Variants in KRT86 observed in about 807,000 individuals in gnomAD.
KRT86 encodes the protein keratin, type II cuticular Hb6.
A neutral mutation model predicts 41.2 loss-of-function variants in KRT86; 30 were observed. The observed-to-expected ratio is 0.73, with a 90% CI of 0.54 to 0.99. KRT86 has a LOEUF of 0.99. KRT86 is among the 50% of genes least tolerant of loss of function. The pLI, the probability that KRT86 is intolerant of heterozygous loss-of-function variation, is 0.00. For missense variants in KRT86, 561 were observed against 571.4 expected (o/e 0.98, Z 0.19); for synonymous variants, 238 against 238.1 (o/e 1.00, Z 0.00).
chr12:52,306,591 C>A (rs1200970285), intron 9 of KRT86: 1 of 513,926 alleles, frequency 1.9e-6, no homozygotes. Flanking sequence ...TTCTTCCCTT[C>A]CAGCTGTAGC....
At chr12:52,279,808 G>A (rs1444099748) in intron 2 of KRT86, among the ~76,000 whole-genome samples, 1 of 152,130 alleles carries the variant, frequency 6.6e-6, no homozygotes, top group Non-Finnish European at 1.5e-5. Context: ...ATAGCTTCTG[G>A]GCAGCAGAGC....
chr12:52,288,658 G>A (rs138154804), intron 2 of KRT86, among the ~76,000 whole-genome samples: 281 of 152,116 alleles, frequency 1.8e-3, no homozygotes, highest in African/African-American at 6.6e-3. Context: ...CCTTGACCAT[G>A]CCTCACCAGC....
At chr12:52,286,522 T>G in intron 2 of KRT86, 2 of 1,548,616 alleles carry the variant, frequency 1.3e-6, no homozygotes, top group Non-Finnish European at 1.7e-6. Flanking sequence ...GAGTCAAAAT[T>G]CTGAAGGGCA....
At chr12:52,300,982 G>A (rs1310082718) in intron 2 of KRT86, among the ~76,000 whole-genome samples, 5 of 152,154 alleles carry the variant, frequency 3.3e-5, no homozygotes, top group African/African-American at 1.2e-4. Flanking sequence ...CACTCTGAGG[G>A]AGGGAATGCC....
intron 2 of KRT86, chr12:52,286,953 C>A: frequency 6.5e-7 from 1 of 1,539,078 alleles, no homozygotes; most frequent in Non-Finnish European, 8.9e-7. Flanking sequence ...TTGCCTCAGA[C>A]AAACTCACAC....
In KRT86 at chr12:52,306,189, A is replaced by C. The variant is rs563550345; in HGVS notation, c.1156A>C (p.Ile386Leu). 1.6e-4 allele frequency: 256 copies of C among 1,613,784 alleles called. 2 individuals carry two copies. The South Asian group carries it at 2.6e-3, about 17-fold the overall frequency. Residue 386 changes from isoleucine (I) to leucine (L), a missense_variant, in exon 9 of 11, where the codon ATC becomes CTC. By Grantham distance (5) the Ile-to-Leu change is conservative (BLOSUM62 2). This residue lies in a region of KRT86 where 397 missense variants were observed against 375.9 expected (regional missense o/e 1.06). Coordinates refer to ENST00000423955, the MANE Select transcript of KRT86 (RefSeq NM_001320198.2). ...GGCCAAGCAGGACATGGCCTGCCTG[A>C]TCAGGGAGTACCAGGAGGTGATGAA... ...QKAKQDMACL[I>L]REYQEVMNSK...
intron 2 of KRT86, among the ~76,000 whole-genome samples, chr12:52,283,801 C>T (rs1328806328): frequency 6.6e-6 from 1 of 151,240 alleles, no homozygotes; most frequent in African/African-American, 2.4e-5. Flanking sequence ...ATTTCATTAG[C>T]AGATACACTA....
Position 52,288,487 on chromosome 12 carries a change from G to T in KRT86, c.-5+12541G>T, listed in dbSNP as rs189013715. Reference sequence around the variant, plus strand: ...AAGGTGGGGAGTGTTGGAGCTCAAGGACCCTGGTGATCCAGCCCCCAGACT... The same window carrying T: ...AAGGTGGGGAGTGTTGGAGCTCAAGTACCCTGGTGATCCAGCCCCCAGACT... On this transcript the variant is annotated intron_variant, in intron 2 of 10. Transcript: ENST00000423955. The T allele has an allele frequency of 6.2e-6, 10 of 1,613,258 alleles. No homozygotes were observed. In the African/African-American group the frequency reaches 1.2e-4, roughly 19 times the overall value.
Position 52,305,020 on chromosome 12 carries a change from A to C in KRT86, c.728A>C (p.Tyr243Ser), listed in dbSNP as rs202150817. The C allele has an allele frequency of 6.6e-5, 106 of 1,613,834 alleles. No individual in the cohort carries two copies. Among genetic ancestry groups the C allele is most frequent in the Non-Finnish European group, 8.4e-5 (99 of 1,179,948 alleles). ...IQEIDFLRRL[Y>S]EEEIRVLQSH... ...GAGATCGACTTCCTGAGGCGGCTGT[A>C]TGAGGAGGTGCGGGCTCAGGGGCCA... is the stretch of plus-strand genomic sequence containing the variant. The change falls in exon 6 of 11, where the codon TAT becomes TCT. Residue 243 changes from tyrosine (Y) to serine (S), a missense_variant. Transcript: ENST00000423955.
In KRT86 at chr12:52,305,377, T is replaced by C. The variant is rs190756867; in HGVS notation, c.873T>C (p.Ala291=). ...ATGACATTGTCACCCGTAGCCGGGCTGAGGCCGAGTCCTGGTACCGCAGCA... is the reference window on the plus strand; with the variant it reads ...ATGACATTGTCACCCGTAGCCGGGCCGAGGCCGAGTCCTGGTACCGCAGCA... ...QYDDIVTRSR[A]EAESWYRSKC... The change falls in exon 7 of 11, where the codon GCT becomes GCC. Residue 291 remains alanine, a synonymous_variant. Transcript: ENST00000423955. 4,561 of 1,614,174 alleles carry C rather than the reference T, an allele frequency of 2.8e-3. 122 individuals carry two copies. The African/African-American group carries it at 0.052, about 18-fold the overall frequency.
intron 2 of KRT86, among the ~76,000 whole-genome samples, chr12:52,280,025 C>A (rs1937735803): frequency 6.6e-6 from 1 of 152,184 alleles, no homozygotes; most frequent in Non-Finnish European, 1.5e-5. Flanking sequence ...CCTTCTATCA[C>A]CCTGATGGGG....
intron 2 of KRT86, chr12:52,287,699 A>G (rs202148780): frequency 1.2e-6 from 2 of 1,613,974 alleles, no homozygotes; most frequent in African/African-American, 2.7e-5. Flanking sequence ...GTGCCTGATC[A>G]CCGTGGCCTT....
intron 6 of KRT86, 43 bp downstream of exon 6, chr12:52,305,070 G>C (rs1179510020): frequency 6.2e-7 from 1 of 1,612,168 alleles, no homozygotes; most frequent in Non-Finnish European, 8.5e-7. Flanking sequence ...AGCCAGCAGA[G>C]AGGAGAGATG....
At chr12:52,282,364 C>T (rs1431541849) in intron 2 of KRT86, among the ~76,000 whole-genome samples, 3 of 152,126 alleles carry the variant, frequency 2.0e-5, no homozygotes, top group African/African-American at 7.2e-5. Context: ...TCCCAGATAG[C>T]TGGGACTACA....
At chr12:52,285,541 A>T (rs1017848807) in intron 2 of KRT86, among the ~76,000 whole-genome samples, 1 of 152,202 alleles carries the variant, frequency 6.6e-6, no homozygotes, top group Non-Finnish European at 1.5e-5. Flanking sequence ...ATGATCCATC[A>T]GTTTGCAGAT....
chr12:52,301,404 A>G (rs748919085), intron 2 of KRT86, among the ~76,000 whole-genome samples: 8 of 152,060 alleles, frequency 5.3e-5, no homozygotes, highest in Non-Finnish European at 8.8e-5. Flanking sequence ...GTTCGGAGAA[A>G]CCACCAAGCG....
At chr12:52,296,582 G>C (rs1036660163) in intron 2 of KRT86, among the ~76,000 whole-genome samples, 4 of 152,208 alleles carry the variant, frequency 2.6e-5, no homozygotes, top group African/African-American at 9.6e-5. Flanking sequence ...TGTCCAGTGG[G>C]ACTCCTCTCT....
chr12:52,283,976 G>T (rs532028060), intron 2 of KRT86, among the ~76,000 whole-genome samples: 1 of 152,312 alleles, frequency 6.6e-6, no homozygotes, highest in African/African-American at 2.4e-5. Context: ...GGATTGTGGG[G>T]CCGGAGTAGG....
intron 2 of KRT86, among the ~76,000 whole-genome samples, chr12:52,280,382 G>A (rs1173643451): frequency 6.6e-6 from 1 of 152,228 alleles, no homozygotes; most frequent in South Asian, 2.1e-4. Flanking sequence ...CTTCTGTACA[G>A]TGAGCCCACA....
Sources: gnomAD v4.1 joint callset for allele counts (sites outside exome capture counted in the v4.1 genomes callset) on GRCh38, gnomAD v4.1.1 for gene constraint, gnomAD v4.1.1 regional missense constraint, MANE v1.5 for transcripts, NCBI Gene and HGNC (gene_info 2026-07-23, HGNC 2026-07-21) for gene names.